Variants in ABCB5 observed in about 807,000 individuals in gnomAD.
ABCB5 encodes ATP binding cassette subfamily B member 5, also known as ATP-binding cassette sub-family B member 5.
Under a neutral mutation model 144.2 loss-of-function variants are expected in ABCB5, and 155 were observed. That is an observed-to-expected ratio of 1.08 (90% CI 0.94 to 1.23). ABCB5 has a LOEUF of 1.23. Among genes scored for constraint, ABCB5 ranks in the 50% most tolerant of loss-of-function variants. ABCB5 has a pLI of 0.00. For synonymous variants in ABCB5, 610 were observed against 528.6 expected, an observed-to-expected ratio of 1.15 and a Z score of -2.11; for missense variants, 1,830 against 1,520.8, an observed-to-expected ratio of 1.20 and a Z score of -3.38.
intron 5 of ABCB5, among the ~76,000 whole-genome samples, chr7:20,641,403 G>A (rs1413481134): frequency 6.6e-6 from 1 of 151,814 alleles, no homozygotes; most frequent in African/African-American, 2.4e-5. Context: ...GTGTGCACCT[G>A]TAGTCCCAGC....
chr7:20,745,505 T>G, intron 26 of ABCB5, 67 bp downstream of exon 26: 1 of 1,415,324 alleles, frequency 7.1e-7, no homozygotes, highest in Non-Finnish European at 9.8e-7. Flanking sequence ...ACTGGGCCTA[T>G]GCAGTTGTTT....
intron 4 of ABCB5, among the ~76,000 whole-genome samples, chr7:20,631,778 T>C (rs1784043089): frequency 6.6e-6 from 1 of 152,178 alleles, no homozygotes; most frequent in African/African-American, 2.4e-5. Flanking sequence ...TTCCTGATTG[T>C]TGTCTGATCA....
At chr7:20,668,947 G>A (rs1430626820) in intron 14 of ABCB5, among the ~76,000 whole-genome samples, 3 of 105,192 alleles carry the variant, frequency 2.9e-5, no homozygotes, top group African/African-American at 4.2e-5. Context: ...CCCTCTGCCC[G>A]GCCAGCCGCC....
intron 20 of ABCB5, among the ~76,000 whole-genome samples, chr7:20,706,212 T>C (rs891123780): frequency 6.6e-6 from 1 of 152,182 alleles, no homozygotes; most frequent in Non-Finnish European, 1.5e-5. Flanking sequence ...CATGGTATAC[T>C]ACTCCAGGCA....
intron 14 of ABCB5, chr7:20,666,664 T>C: frequency 6.9e-7 from 1 of 1,456,650 alleles, no homozygotes; most frequent in Non-Finnish European, 9.1e-7. Context: ...GACCTTTGTT[T>C]GGTCAAATAC....
intron 26 of ABCB5, among the ~76,000 whole-genome samples, chr7:20,752,913 A>T (rs984482083): frequency 6.6e-6 from 1 of 152,212 alleles, no homozygotes; most frequent in Admixed American, 6.5e-5. Context: ...CTCCTATCCC[A>T]GCATCTGTAA....
At chr7:20,734,777 A>T (rs1782331176) in intron 23 of ABCB5, among the ~76,000 whole-genome samples, 1 of 152,190 alleles carries the variant, frequency 6.6e-6, no homozygotes, top group Admixed American at 6.5e-5. Flanking sequence ...CACCTTACAG[A>T]CAAGGCATAG....
chr7:20,649,071 C>T (rs894698042), intron 11 of ABCB5, among the ~76,000 whole-genome samples: 4 of 152,092 alleles, frequency 2.6e-5, no homozygotes, highest in African/African-American at 7.2e-5. Flanking sequence ...TGAAACATAA[C>T]CCTTTTTGTT....
At chr7:20,679,294 C>T (rs1785710548) in intron 14 of ABCB5, among the ~76,000 whole-genome samples, 1 of 151,430 alleles carries the variant, frequency 6.6e-6, no homozygotes, top group South Asian at 2.1e-4. Flanking sequence ...ATGGTAAAAC[C>T]CCATCTCTGC....
intron 14 of ABCB5, chr7:20,666,884 C>G (rs1235020422): frequency 7.6e-7 from 1 of 1,321,906 alleles, no homozygotes; most frequent in Non-Finnish European, 9.7e-7. Flanking sequence ...TAAAAGACAG[C>G]ATCAGCTCAA....
At chr7:20,674,136 TA>T (rs1445209440) in intron 14 of ABCB5, among the ~76,000 whole-genome samples, 1 of 151,976 alleles carries the variant, frequency 6.6e-6, no homozygotes, top group Non-Finnish European at 1.5e-5. Flanking sequence ...TTGTAACTTT[TA>T]AAATTAATCA....
intron 5 of ABCB5, among the ~76,000 whole-genome samples, chr7:20,634,514 A>G (rs554347530): frequency 6.6e-6 from 1 of 152,030 alleles, no homozygotes; most frequent in Non-Finnish European, 1.5e-5. Context: ...CGTTACCCCC[A>G]ATAGTGTATA....
chr7:20,632,258 G>T, intron 5 of ABCB5, 145 bp downstream of exon 5: 1 of 553,000 alleles, frequency 1.8e-6, no homozygotes, highest in Non-Finnish European at 3.1e-6. Flanking sequence ...CTTTCATTAG[G>T]TATATAAAAT....
chr7:20,744,624 A>G lies in ABCB5; in HGVS notation c.3223-608A>G, dbSNP rs796764447. Among the ~76,000 whole-genome samples, 597 of 138,868 alleles carry G rather than the reference A, an allele frequency of 4.3e-3. 2 individuals carry two copies. The highest frequency in any genetic ancestry group is 0.015 in the African/African-American group (545 of 37,416). 91.1% of individuals were successfully genotyped at this position (138,868 alleles called of 152,430 possible). A position where few individuals can be genotyped will look rare whatever the true frequency, so the allele number is the denominator to read the frequency against. On this transcript the variant is annotated intron_variant, in intron 25 of 27. Transcript: ENST00000404938. ...AAATATAAGCTACATCCATGGGGGG[A>G]GGGGGGAGGGACAGCATTAGGAGAT... is the stretch of plus-strand genomic sequence containing the variant.
At chr7:20,697,721 T>C (rs1363715875) in intron 16 of ABCB5, among the ~76,000 whole-genome samples, 1 of 152,208 alleles carries the variant, frequency 6.6e-6, no homozygotes, top group Non-Finnish European at 1.5e-5. Context: ...CAATGACTGC[T>C]AGCATTTATT....
intron 3 of ABCB5, among the ~76,000 whole-genome samples, chr7:20,626,854 G>GGTGTGCGTGTGT (rs1554278225): frequency 7.0e-6 from 1 of 143,670 alleles, no homozygotes; most frequent in African/African-American, 2.6e-5. Flanking sequence ...GTGTTTTTGG[G>GGTGTGCGTGTGT]GTGTGTGTGT....
In ABCB5 at chr7:20,742,243, G is replaced by A. The variant is rs188961887; in HGVS notation, c.3025-634G>A. Among the ~76,000 whole-genome samples, 658 of 152,174 alleles carry A rather than the reference G, an allele frequency of 4.3e-3. 11 individuals carry two copies. The highest frequency in any genetic ancestry group is 0.014 in the African/African-American group (582 of 41,528). On this transcript the variant is annotated intron_variant, in intron 24 of 27. Transcript: ENST00000404938. ...ACAAAAATTGGCTGGGTGTGGTGGC[G>A]CACGCTGGTGGTCCCAGCTACTCAG...
At chr7:20,740,847 C>T (rs1319514918) in intron 24 of ABCB5, among the ~76,000 whole-genome samples, 1 of 152,024 alleles carries the variant, frequency 6.6e-6, no homozygotes, top group Non-Finnish European at 1.5e-5. Context: ...TGGCTTACAC[C>T]TGTAATCCCA....
intron 26 of ABCB5, among the ~76,000 whole-genome samples, chr7:20,749,069 T>G (rs2128057054): frequency 6.6e-6 from 1 of 151,976 alleles, no homozygotes; most frequent in South Asian, 2.1e-4. Context: ...TCTCTCTCCC[T>G]TTCTTTCTCT....
Sources: gnomAD v4.1 joint callset for allele counts (sites outside exome capture counted in the v4.1 genomes callset) on GRCh38, gnomAD v4.1.1 for gene constraint, MANE v1.5 for transcripts, NCBI Gene and HGNC (gene_info 2026-07-23, HGNC 2026-07-21) for gene names.